The following EXOC4 variants were observed in gnomAD, a reference collection of about 807,000 sequenced individuals.
EXOC4 encodes the protein SEC8-like 1.
EXOC4 carries 71 observed loss-of-function variants against 107.2 expected under a neutral mutation model. The observed-to-expected ratio is 0.66, with a 90% confidence interval of 0.55 to 0.81. The LOEUF (loss-of-function observed/expected upper bound fraction) is 0.81. Ranked by LOEUF, EXOC4 falls within the 30% of genes least tolerant of loss-of-function variation. The probability of loss-of-function intolerance (pLI) is 0.00; values close to 1 mark genes in which losing one functional copy is unlikely to be tolerated. For missense variants in EXOC4, 1,108 were observed against 1,189.6 expected (o/e 0.93, Z 1.01); for synonymous variants, 456 against 441.2 (o/e 1.03, Z -0.42).
At chr7:133,429,166 G>A (rs554979238) in intron 7 of EXOC4, among the ~76,000 whole-genome samples, 87 of 152,246 alleles carry the variant, frequency 5.7e-4, no homozygotes, top group African/African-American at 2.0e-3. Context: ...CTGAAAGAAC[G>A]AAGTCTTAGA....
chr7:133,284,409 A>G (rs1794228389), intron 2 of EXOC4, among the ~76,000 whole-genome samples: 1 of 152,256 alleles, frequency 6.6e-6, no homozygotes, highest in Non-Finnish European at 1.5e-5. Flanking sequence ...ATCAGAAATC[A>G]GATTCTAACA....
At chr7:133,394,674 T>C (rs1796931781) in intron 7 of EXOC4, among the ~76,000 whole-genome samples, 1 of 152,196 alleles carries the variant, frequency 6.6e-6, no homozygotes, top group Non-Finnish European at 1.5e-5. Context: ...TTGATGATTC[T>C]TTTGCATAAT....
At chr7:133,883,717 C>A (rs1283903351) in intron 11 of EXOC4, among the ~76,000 whole-genome samples, 1 of 152,052 alleles carries the variant, frequency 6.6e-6, no homozygotes, top group Non-Finnish European at 1.5e-5. Flanking sequence ...TTGACATGAA[C>A]ACTCATTTCT....
chr7:133,991,288 G>A (rs749639079), intron 14 of EXOC4, among the ~76,000 whole-genome samples: 7 of 151,218 alleles, frequency 4.6e-5, no homozygotes, highest in African/African-American at 1.2e-4. Flanking sequence ...TTTTGTTTTC[G>A]TTTTTTGTTT....
intron 5 of EXOC4, among the ~76,000 whole-genome samples, chr7:133,346,332 G>A (rs941683213): frequency 3.3e-5 from 5 of 152,114 alleles, no homozygotes; most frequent in Non-Finnish European, 5.9e-5. Context: ...GCTTCTGTCT[G>A]CTTCTCCATC....
chr7:133,524,185 T>A (rs1800034473), intron 9 of EXOC4, among the ~76,000 whole-genome samples: 1 of 115,218 alleles, frequency 8.7e-6, no homozygotes, highest in Non-Finnish European at 1.8e-5. Flanking sequence ...TGCATTTCTC[T>A]GATGGCCAGT....
chr7:133,605,192 T>A (rs968077559), intron 9 of EXOC4, among the ~76,000 whole-genome samples: 1 of 152,232 alleles, frequency 6.6e-6, no homozygotes, highest in Non-Finnish European at 1.5e-5. Flanking sequence ...AAATGTTTTC[T>A]TAGTACACAC....
At chr7:133,831,141 T>C (rs971400649) in intron 11 of EXOC4, among the ~76,000 whole-genome samples, 4 of 152,176 alleles carry the variant, frequency 2.6e-5, no homozygotes, top group African/African-American at 9.7e-5. Context: ...ATTTTTGTAT[T>C]TTTAGTAGAG....
At position 133,617,978 on chromosome 7, in the gene EXOC4, T is replaced by C. The variant is rs191527301; in HGVS notation, c.1418-12067T>C. 9.5e-4 allele frequency among the ~76,000 whole-genome samples: 144 copies of C among 152,140 alleles called. 1 individual carries two copies. The highest frequency in any genetic ancestry group is 3.3e-3 in the African/African-American group (135 of 41,512). The stretch of plus-strand genomic sequence containing the variant: ...TAAAGATCTAAGGAATATGAGAGTA[T>C]AAAACATGCAAACATACACACACAT... On this transcript the variant is annotated intron_variant, in intron 9 of 17. Transcript: ENST00000253861.
chr7:133,791,963 T>C (rs565232280), intron 10 of EXOC4, among the ~76,000 whole-genome samples: 88 of 152,356 alleles, frequency 5.8e-4, no homozygotes, highest in African/African-American at 2.0e-3. Context: ...GAACATTGTT[T>C]TTCACACGCA....
At chr7:133,461,733 A>G (rs771154034) in intron 7 of EXOC4, among the ~76,000 whole-genome samples, 2 of 152,220 alleles carry the variant, frequency 1.3e-5, no homozygotes, top group Non-Finnish European at 2.9e-5. Context: ...TGGGTGTTGT[A>G]GTTGTACTCC....
chr7:134,008,532 AC>A (rs1396971886), intron 17 of EXOC4, among the ~76,000 whole-genome samples: 1 of 152,124 alleles, frequency 6.6e-6, no homozygotes, highest in Non-Finnish European at 1.5e-5. Flanking sequence ...TTTTACAGGA[AC>A]CTACTTCTCA....
chr7:133,877,179 C>A (rs1204316744), intron 11 of EXOC4, among the ~76,000 whole-genome samples: 1 of 151,656 alleles, frequency 6.6e-6, no homozygotes, highest in Admixed American at 6.6e-5. Context: ...TTTATATTTT[C>A]CATTCTGTTT....
intron 10 of EXOC4, among the ~76,000 whole-genome samples, chr7:133,747,022 A>G (rs970052909): frequency 2.0e-5 from 3 of 152,168 alleles, no homozygotes; most frequent in East Asian, 1.9e-4. Context: ...TAGTAGTACA[A>G]CTACACCTGG....
chr7:133,382,325 C>T (rs1210388765), intron 7 of EXOC4, among the ~76,000 whole-genome samples: 1 of 152,022 alleles, frequency 6.6e-6, no homozygotes, highest in East Asian at 1.9e-4. Flanking sequence ...GCCTAGTTTC[C>T]AGTATGACAG....
intron 17 of EXOC4, among the ~76,000 whole-genome samples, chr7:134,020,910 C>A (rs901105667): frequency 5.9e-5 from 9 of 151,614 alleles, no homozygotes; most frequent in Non-Finnish European, 8.8e-5. Flanking sequence ...GGCGTGAACC[C>A]AGGAGGCAGA....
intron 9 of EXOC4, among the ~76,000 whole-genome samples, chr7:133,496,340 G>A (rs6947470): frequency 1 from 151,925 of 152,182 alleles, 75,834 homozygotes; most frequent in Middle Eastern, 1. Context: ...GCCAATTTTA[G>A]CTTTTTTATT....
chr7:133,435,284 C>T (rs952489758), intron 7 of EXOC4, among the ~76,000 whole-genome samples: 1 of 152,076 alleles, frequency 6.6e-6, no homozygotes, highest in South Asian at 2.1e-4. Flanking sequence ...CAGTCCCAGA[C>T]TTCCATTAAA....
intron 10 of EXOC4, among the ~76,000 whole-genome samples, chr7:133,723,361 A>G (rs138601994): frequency 8.1e-4 from 124 of 152,340 alleles, no homozygotes; most frequent in African/African-American, 2.8e-3. Flanking sequence ...CTTAGATGGA[A>G]TTGGTTAGAG....
Sources: gnomAD v4.1 joint callset for allele counts (sites outside exome capture counted in the v4.1 genomes callset) on GRCh38, gnomAD v4.1.1 for gene constraint, MANE v1.5 for transcripts, NCBI Gene and HGNC (gene_info 2026-07-23, HGNC 2026-07-21) for gene names.